Variants in CNTNAP2 observed in about 807,000 individuals in gnomAD.
The protein encoded by CNTNAP2 is contactin-associated protein-like 2.
CNTNAP2 carries 98 observed loss-of-function variants against 155.2 expected under a neutral mutation model. That is an observed-to-expected ratio of 0.63 (90% CI 0.54 to 0.75). CNTNAP2 has a LOEUF of 0.75. CNTNAP2 is among the 30% of genes least tolerant of loss of function. CNTNAP2 has a pLI of 0.00. For missense variants in CNTNAP2, 1,727 were observed against 1,688.1 expected (o/e 1.02, Z -0.40); for synonymous variants, 651 against 631.2 (o/e 1.03, Z -0.47).
At chr7:148,115,627 A>G (rs1804450708) in intron 15 of CNTNAP2, among the ~76,000 whole-genome samples, 1 of 152,078 alleles carries the variant, frequency 6.6e-6, no homozygotes, top group South Asian at 2.1e-4. Flanking sequence ...TTTCTCACAG[A>G]GGTGCACCTG....
chr7:147,313,016 T>G (rs1053714965), intron 9 of CNTNAP2, among the ~76,000 whole-genome samples: 1 of 139,478 alleles, frequency 7.2e-6, no homozygotes, highest in Admixed American at 7.3e-5. Flanking sequence ...TAGCCAGTGA[T>G]GATGAGCATT....
At chr7:147,872,874 A>C (rs186914123) in intron 13 of CNTNAP2, among the ~76,000 whole-genome samples, 119 of 152,336 alleles carry the variant, frequency 7.8e-4, no homozygotes, top group Non-Finnish European at 1.3e-3. Flanking sequence ...TAATTAAAAC[A>C]CAAATATATA....
At chr7:147,816,951 A>T (rs1218035725) in intron 13 of CNTNAP2, among the ~76,000 whole-genome samples, 1 of 152,236 alleles carries the variant, frequency 6.6e-6, no homozygotes, top group East Asian at 1.9e-4. Context: ...AATGTAACAT[A>T]AAGCAGACTG....
chr7:146,302,588 G>A (rs1305472854), intron 1 of CNTNAP2, among the ~76,000 whole-genome samples: 1 of 152,108 alleles, frequency 6.6e-6, no homozygotes, highest in South Asian at 2.1e-4. Context: ...ACAATATTGC[G>A]TATCTAAAAC....
chr7:147,326,108 TAG>T (rs1217624170), intron 9 of CNTNAP2, among the ~76,000 whole-genome samples: 2 of 152,164 alleles, frequency 1.3e-5, no homozygotes, highest in Non-Finnish European at 1.5e-5. Flanking sequence ...GTATTTTTAG[TAG>T]AGATGGGGTT....
At chr7:147,412,553 C>T (rs1050489869) in intron 10 of CNTNAP2, among the ~76,000 whole-genome samples, 7 of 152,160 alleles carry the variant, frequency 4.6e-5, no homozygotes, top group African/African-American at 7.2e-5. Flanking sequence ...GAATGGGAAA[C>T]AGGCCTGAGC....
intron 1 of CNTNAP2, among the ~76,000 whole-genome samples, chr7:146,171,832 A>T (rs1456005178): frequency 6.6e-6 from 1 of 152,118 alleles, no homozygotes; most frequent in Non-Finnish European, 1.5e-5. Flanking sequence ...AAATAGTGCT[A>T]CAGAGGTAAC....
chr7:146,816,533 T>C (rs901048971), intron 2 of CNTNAP2, among the ~76,000 whole-genome samples: 5 of 152,136 alleles, frequency 3.3e-5, no homozygotes, highest in Non-Finnish European at 7.4e-5. Context: ...TAAAATGTAA[T>C]AGGAGTTTAA....
intron 10 of CNTNAP2, among the ~76,000 whole-genome samples, chr7:147,470,097 T>C (rs1584752893): frequency 6.6e-6 from 1 of 152,140 alleles, no homozygotes; most frequent in Non-Finnish European, 1.5e-5. Flanking sequence ...CATTGTAAGC[T>C]TTCTTTTACT....
chr7:146,564,007 G>A (rs1798319755), intron 1 of CNTNAP2, among the ~76,000 whole-genome samples: 1 of 152,116 alleles, frequency 6.6e-6, no homozygotes, highest in Non-Finnish European at 1.5e-5. Context: ...TAATGTATAA[G>A]TCAAATACCC....
At chr7:148,389,887 A>G (rs1475122575) in intron 22 of CNTNAP2, 1 of 152,030 alleles carries the variant, frequency 6.6e-6, no homozygotes, top group Non-Finnish European at 1.5e-5. Flanking sequence ...AAAAAGAAAA[A>G]TCCCAATATC....
At chr7:146,492,738 A>G (rs926935874) in intron 1 of CNTNAP2, among the ~76,000 whole-genome samples, 1 of 152,192 alleles carries the variant, frequency 6.6e-6, no homozygotes, top group African/African-American at 2.4e-5. Context: ...ATACAACATG[A>G]TGTTATATGA....
intron 1 of CNTNAP2, among the ~76,000 whole-genome samples, chr7:146,696,345 T>C (rs1159900255): frequency 6.6e-6 from 1 of 152,194 alleles, no homozygotes; most frequent in Non-Finnish European, 1.5e-5. Context: ...CCTAATTTCT[T>C]AATGTCTATG....
chr7:148,288,015 C>T (rs1373863900), intron 21 of CNTNAP2, among the ~76,000 whole-genome samples: 1 of 151,660 alleles, frequency 6.6e-6, no homozygotes, highest in Non-Finnish European at 1.5e-5. Flanking sequence ...TGGTCTCAAT[C>T]TCTTGACTTC....
intron 21 of CNTNAP2, among the ~76,000 whole-genome samples, chr7:148,370,129 G>A (rs116274438): frequency 6.7e-4 from 102 of 152,240 alleles, no homozygotes; most frequent in Middle Eastern, 3.4e-3. Context: ...CAAATGGCCC[G>A]GCCTCCTCCC....
chr7:148,058,296 C>G (rs1445393035), intron 15 of CNTNAP2, among the ~76,000 whole-genome samples: 2 of 152,090 alleles, frequency 1.3e-5, no homozygotes, highest in African/African-American at 2.4e-5. Flanking sequence ...AGCAAACAGG[C>G]AGATGCGAAT....
At chr7:147,995,210 G>A (rs2116886393) in intron 15 of CNTNAP2, among the ~76,000 whole-genome samples, 2 of 152,254 alleles carry the variant, frequency 1.3e-5, no homozygotes, top group Middle Eastern at 6.8e-3. Flanking sequence ...CCAGAAGAAA[G>A]GCAGTTGTTT....
intron 3 of CNTNAP2, among the ~76,000 whole-genome samples, chr7:146,943,811 A>C (rs1218513899): frequency 6.6e-6 from 1 of 152,164 alleles, no homozygotes; most frequent in East Asian, 1.9e-4. Context: ...AACTGAGAGA[A>C]ATTACTTACT....
At chr7:147,171,867 G>A (rs887743602) in intron 8 of CNTNAP2, among the ~76,000 whole-genome samples, 18 of 151,356 alleles carry the variant, frequency 1.2e-4, no homozygotes, top group African/African-American at 4.1e-4. Context: ...GTATTACATC[G>A]TGATCATGAA....
Sources: gnomAD v4.1 joint callset for allele counts (sites outside exome capture counted in the v4.1 genomes callset) on GRCh38, gnomAD v4.1.1 for gene constraint, MANE v1.5 for transcripts, NCBI Gene and HGNC (gene_info 2026-07-23, HGNC 2026-07-21) for gene names.